Variants in UNC13A observed in about 807,000 individuals in gnomAD.
UNC13A encodes unc-13 homolog A.
Under a neutral mutation model 219.7 loss-of-function variants are expected in UNC13A, and 61 were observed. The observed-to-expected ratio is 0.28, with a 90% CI of 0.23 to 0.34. The LOEUF (loss-of-function observed/expected upper bound fraction) is 0.34, where lower values mean the gene tolerates loss of function less well. Ranked by LOEUF, UNC13A falls within the 10% of genes least tolerant of loss-of-function variation. The pLI is 1.00. For missense variants in UNC13A, 1,476 were observed against 2,270.3 expected (o/e 0.65, Z 7.11); for synonymous variants, 920 against 884.6 (o/e 1.04, Z -0.71).
chr19:17,632,799 G>T lies in UNC13A; in HGVS notation c.3411C>A (p.Arg1137=), dbSNP rs371883127. ...YVTELPAFKD[R]VPEYPAWFEP... is the part of the protein sequence containing the mutation. ...GGACTTACGCAGGGTACTCAGGCAC[G>T]CGGTCCTTGAAGGCGGGAAGTTCCG... Residue 1137 remains arginine (R), a synonymous_variant, in exon 28 of 44, where the codon CGC becomes CGA. Transcript: ENST00000519716. 6.2e-7 allele frequency: 1 copy of T among 1,613,894 alleles called. No homozygotes were observed. The highest frequency in any genetic ancestry group is 1.1e-5 in the South Asian group (1 of 91,072).
At chr19:17,675,828 C>A (rs774384712) in intron 2 of UNC13A, among the ~76,000 whole-genome samples, 184 bp downstream of exon 2, 44 of 152,174 alleles carry the variant, frequency 2.9e-4, no homozygotes, top group Non-Finnish European at 5.4e-4. Flanking sequence ...GACCCCCATA[C>A]AAACTGCAGG....
At chr19:17,615,119 C>A (rs1478920291) in intron 41 of UNC13A, among the ~76,000 whole-genome samples, 1 of 152,218 alleles carries the variant, frequency 6.6e-6, no homozygotes, top group African/African-American at 2.4e-5. Context: ...GGTTGAATCT[C>A]CTTTGGCTCT....
intron 31 of UNC13A, 115 bp from the exon 32 acceptor site, chr19:17,628,055 G>GT: frequency 3.3e-6 from 3 of 901,304 alleles, no homozygotes; most frequent in Non-Finnish European, 5.2e-6. Context: ...AGGAAGCTGG[G>GT]GTCCCATGGG....
chr19:17,649,182 T>C lies in UNC13A; in HGVS notation c.1524+157A>G, dbSNP rs983042288. Among the ~76,000 whole-genome samples the C allele has an allele frequency of 5.3e-5, 8 of 152,024 alleles. No homozygotes were observed. Among genetic ancestry groups the C allele is most frequent in the Admixed American group, 5.2e-4 (8 of 15,258 alleles). On this transcript the variant is annotated intron_variant, in intron 14 of 43. Transcript: ENST00000519716. The surrounding 1 kb of genome is among the most constrained non-coding windows in gnomAD (Gnocchi z 4.4). The stretch of plus-strand genomic sequence containing the variant: ...AGAGGCTTTGAGTTAGAAGGGACCC[T>C]GGAAAGTGAGCAGCCCCGCACCCCT...
chr19:17,629,057 C>A lies in UNC13A; in HGVS notation c.3753+183G>T, dbSNP rs1026742621. 1.3e-5 allele frequency among the ~76,000 whole-genome samples: 2 copies of A among 152,132 alleles called. 1 individual carries two copies. The highest frequency in any genetic ancestry group is 4.8e-5 in the African/African-American group (2 of 41,412). On this transcript the variant is annotated intron_variant, in intron 31 of 43. Coordinates refer to ENST00000519716, the MANE Select transcript of UNC13A (RefSeq NM_001080421.3). ...TACTTCCCATACACTCAGACACACA[C>A]AACTAGATACACTCTGATCACACAC...
rs2079450181 is a variant in UNC13A at position 17,656,215 on chromosome 19, C to G, written c.951G>C (p.Trp317Cys). 1 of 1,552,092 alleles carries G rather than the reference C, an allele frequency of 6.4e-7. No individual in the cohort carries two copies. Among genetic ancestry groups the G allele is most frequent in the African/African-American group, 1.4e-5 (1 of 73,044 alleles). Residue 317 changes from tryptophan to cysteine, a missense_variant, in exon 10 of 44, where the codon TGG (tryptophan) becomes TGC (cysteine). Physicochemically the swap from Trp to Cys is radical, Grantham distance 215. This residue lies in a region of UNC13A where 351 missense variants were observed against 342.6 expected (regional missense o/e 1.02). Coordinates refer to ENST00000519716, the MANE Select transcript of UNC13A (RefSeq NM_001080421.3). ...SVSYHKDSPRWDQDEEELEED... is the reference protein window; with the variant it reads ...SVSYHKDSPRCDQDEEELEED... ...CCTCCAGCTCTTCCTCATCCTGGTC[C>G]CAGCGAGGCGAGTCTTTGTGGTAGC...
intron 21 of UNC13A, among the ~76,000 whole-genome samples, chr19:17,641,077 C>T (rs923090004): frequency 2.0e-5 from 3 of 151,960 alleles, no homozygotes; most frequent in Non-Finnish European, 2.9e-5. Context: ...TGGGGTTTCA[C>T]CATGTTGGCC....
At chr19:17,644,662 G>A (rs1256281058) in intron 19 of UNC13A, among the ~76,000 whole-genome samples, 1 of 149,872 alleles carries the variant, frequency 6.7e-6, no homozygotes, top group African/African-American at 2.5e-5. Flanking sequence ...GTCCCAAACT[G>A]TTGGGATTAT....
intron 1 of UNC13A, among the ~76,000 whole-genome samples, chr19:17,687,046 A>G (rs1300283020): frequency 6.6e-6 from 1 of 152,204 alleles, no homozygotes; most frequent in Non-Finnish European, 1.5e-5. Flanking sequence ...CCAGGGGTTC[A>G]GAGCTCTGTA....
intron 41 of UNC13A, 64 bp from the exon 42 acceptor site, chr19:17,611,919 C>A: frequency 1.4e-6 from 2 of 1,425,100 alleles, no homozygotes; most frequent in South Asian, 1.2e-5. Context: ...CAGGAGGGAC[C>A]TTGACGGCCT....
At position 17,674,243 on chromosome 19, in the gene UNC13A, G is replaced by C. The variant is rs2079852845; in HGVS notation, c.152+414C>G. On this transcript the variant is annotated intron_variant, in intron 3 of 43. Coordinates refer to ENST00000519716, the MANE Select transcript of UNC13A (RefSeq NM_001080421.3). This position sits in a 1 kb window ranked among gnomAD's most constrained non-coding sequence, Gnocchi z 5.0. ...GCAGAGGTGGGTGTGGCTGGGGCAG[G>C]TGAGGGAGATAGAGCGAGAACCTGG... 6.6e-6 allele frequency among the ~76,000 whole-genome samples: 1 copy of C among 152,224 alleles called. No homozygotes were observed. The highest frequency in any genetic ancestry group is 2.1e-4 in the South Asian group (1 of 4,838).
At chr19:17,612,107 C>CT in intron 41 of UNC13A, 1 of 374,400 alleles carries the variant, frequency 2.7e-6, no homozygotes, top group Non-Finnish European at 4.8e-6. Context: ...CAATTCTTTT[C>CT]TTTTTTCTTA....
In UNC13A at chr19:17,633,147, A is replaced by T; in HGVS notation, c.3262T>A (p.Trp1088Arg). The T allele has an allele frequency of 6.2e-7, 1 of 1,614,122 alleles. No homozygotes were observed. The highest frequency in any genetic ancestry group is 8.5e-7 in the Non-Finnish European group (1 of 1,180,002). The change falls in exon 27 of 44, where the codon TGG becomes AGG. Residue 1088 changes from tryptophan (W) to arginine (R), a missense_variant. Coordinates refer to ENST00000519716, the MANE Select transcript of UNC13A (RefSeq NM_001080421.3). ...NVGKISAEVM[W>R]NLFAQDMKYA... ...TTCATGTCTTGGGCAAACAGATTCC[A>T]CATCACTTCAGCGCTGATTTTACCC...
chr19:17,633,290 G>T (rs2076877081), intron 26 of UNC13A, 97 bp from the exon 27 acceptor site: 6 of 1,194,976 alleles, frequency 5.0e-6, no homozygotes, highest in Non-Finnish European at 7.3e-6. Flanking sequence ...TGTAGGGTAG[G>T]GTAGAGGGAT....
Position 17,628,723 on chromosome 19 carries a change from G to A in UNC13A, c.3753+517C>T, listed in dbSNP as rs2076810486. ...AAACATGGCTAGATACCCACACTCA[G>A]ATATGTACAGACACACACAGATACA... On this transcript the variant is annotated intron_variant, in intron 31 of 43. Transcript: ENST00000519716. Among the ~76,000 whole-genome samples, 4 of 152,058 alleles carry A rather than the reference G, an allele frequency of 2.6e-5. No individual in the cohort carries two copies. The South Asian group carries it at 8.3e-4, about 32-fold the overall frequency.
At chr19:17,623,346 T>C (rs988926278) in intron 36 of UNC13A, 196 bp downstream of exon 36, 22 of 499,962 alleles carry the variant, frequency 4.4e-5, no homozygotes, top group Non-Finnish European at 7.1e-5. Flanking sequence ...AGGGTGGGCG[T>C]GGTCTCCCTC....
At chr19:17,685,334 G>GT (rs1454644026) in intron 1 of UNC13A, among the ~76,000 whole-genome samples, 1 of 151,928 alleles carries the variant, frequency 6.6e-6, no homozygotes, top group Non-Finnish European at 1.5e-5. Flanking sequence ...GAGACTACAG[G>GT]TGCGCGCCAC....
At chr19:17,647,539 T>G in intron 16 of UNC13A, 47 bp from the exon 17 acceptor site, 1 of 1,574,672 alleles carries the variant, frequency 6.4e-7, no homozygotes, top group Admixed American at 1.7e-5. Flanking sequence ...CCCTGCATAG[T>G]GGCCCCTCAC....
chr19:17,640,145 C>T (rs2076953423), intron 22 of UNC13A, among the ~76,000 whole-genome samples: 1 of 152,158 alleles, frequency 6.6e-6, no homozygotes, highest in Admixed American at 6.5e-5. Context: ...AGCAATTCTC[C>T]TGCCTCAGCC....
Sources: allele counts gnomAD v4.1 joint callset (sites outside exome capture counted in the v4.1 genomes callset), GRCh38; gene constraint gnomAD v4.1.1; regional missense constraint gnomAD v4.1.1; non-coding constraint Gnocchi (gnomAD v3.1); transcripts MANE v1.5; gene names NCBI Gene and HGNC (gene_info 2026-07-23, HGNC 2026-07-21).